Variants in MACROD2 observed in about 807,000 individuals in gnomAD.
The protein encoded by MACROD2 is ADP-ribose glycohydrolase MACROD2.
Under a neutral mutation model 70.4 loss-of-function variants are expected in MACROD2, and 36 were observed. The observed-to-expected ratio is 0.51, with a 90% CI of 0.39 to 0.68. MACROD2 has a LOEUF of 0.68. MACROD2 is among the 30% of genes least tolerant of loss of function. The pLI is 0.00. For missense variants in MACROD2, 496 were observed against 538.4 expected, an observed-to-expected ratio of 0.92 and a Z score of 0.78; for synonymous variants, 172 against 178.8, an observed-to-expected ratio of 0.96 and a Z score of 0.30.
intron 8 of MACROD2, among the ~76,000 whole-genome samples, chr20:15,504,687 C>T (rs1440612598): frequency 1.3e-5 from 2 of 152,162 alleles, no homozygotes; most frequent in Admixed American, 6.5e-5. Flanking sequence ...TTAAGAACTT[C>T]TGAGTTCAGA....
At chr20:14,298,437 G>A (rs942199626) in intron 3 of MACROD2, among the ~76,000 whole-genome samples, 7 of 151,482 alleles carry the variant, frequency 4.6e-5, no homozygotes, top group African/African-American at 7.3e-5. Flanking sequence ...ATGTGGTGGT[G>A]GGTGTCTGTA....
chr20:15,655,455 A>T (rs1341128521), intron 8 of MACROD2, among the ~76,000 whole-genome samples: 1 of 151,986 alleles, frequency 6.6e-6, no homozygotes, highest in African/African-American at 2.4e-5. Flanking sequence ...CTGAATTTTC[A>T]CAAGTGGTTT....
At chr20:14,383,403 C>T (rs1372526836) in intron 3 of MACROD2, among the ~76,000 whole-genome samples, 1 of 151,828 alleles carries the variant, frequency 6.6e-6, no homozygotes, top group Non-Finnish European at 1.5e-5. Flanking sequence ...TTCGTGAACA[C>T]TGAAGTTGTG....
chr20:14,305,953 G>A (rs2082517394), intron 3 of MACROD2, among the ~76,000 whole-genome samples: 1 of 151,730 alleles, frequency 6.6e-6, no homozygotes, highest in African/African-American at 2.4e-5. Context: ...TTCAACGTGA[G>A]TCTACTTGTG....
At chr20:14,705,781 T>TA (rs1182461525) in intron 5 of MACROD2, among the ~76,000 whole-genome samples, 1 of 152,196 alleles carries the variant, frequency 6.6e-6, no homozygotes, top group East Asian at 1.9e-4. Context: ...GTCAGTATTT[T>TA]ATGAAGTTAA....
intron 5 of MACROD2, among the ~76,000 whole-genome samples, chr20:14,869,042 G>A (rs1015420450): frequency 1.3e-5 from 2 of 151,998 alleles, no homozygotes; most frequent in African/African-American, 4.8e-5. Flanking sequence ...GCACTAAAAG[G>A]TCACAACAGA....
chr20:14,028,265 C>A (rs2053200416), intron 2 of MACROD2, among the ~76,000 whole-genome samples: 1 of 152,162 alleles, frequency 6.6e-6, no homozygotes, highest in Non-Finnish European at 1.5e-5. Flanking sequence ...TCTCCCTCCC[C>A]ACCCGCCCAC....
chr20:15,734,444 A>C (rs2050990944), intron 8 of MACROD2, among the ~76,000 whole-genome samples: 1 of 152,188 alleles, frequency 6.6e-6, no homozygotes, highest in South Asian at 2.1e-4. Context: ...GGTACAAGCC[A>C]GTCTCCAGTT....
intron 6 of MACROD2, among the ~76,000 whole-genome samples, chr20:15,409,290 C>T (rs1451611312): frequency 6.6e-6 from 1 of 152,112 alleles, no homozygotes; most frequent in Non-Finnish European, 1.5e-5. Flanking sequence ...TACTTCTTTG[C>T]CTTATTTTCT....
At chr20:15,270,154 C>CTT (rs3045758) in intron 6 of MACROD2, among the ~76,000 whole-genome samples, 2 of 118,314 alleles carry the variant, frequency 1.7e-5, no homozygotes, top group East Asian at 2.5e-4. Context: ...CTGACACAGC[C>CTT]TTTTTTTTTT....
At chr20:14,117,310 TA>T (rs950855191) in intron 3 of MACROD2, among the ~76,000 whole-genome samples, 3 of 152,194 alleles carry the variant, frequency 2.0e-5, no homozygotes, top group Non-Finnish European at 2.9e-5. Flanking sequence ...TTTTTCTTTT[TA>T]TGAAAATTAT....
chr20:14,016,276 T>G (rs1302180684), intron 2 of MACROD2, among the ~76,000 whole-genome samples: 1 of 152,242 alleles, frequency 6.6e-6, no homozygotes, highest in East Asian at 1.9e-4. Context: ...TTGGATTTCC[T>G]TGTTGTAGGA....
At chr20:15,709,979 C>G (rs1402203295) in intron 8 of MACROD2, among the ~76,000 whole-genome samples, 1 of 152,092 alleles carries the variant, frequency 6.6e-6, no homozygotes, top group Non-Finnish European at 1.5e-5. Flanking sequence ...CACTGTTCTA[C>G]TCTCTACTTC....
intron 8 of MACROD2, among the ~76,000 whole-genome samples, chr20:15,536,685 A>G (rs1432080545): frequency 6.6e-6 from 1 of 152,178 alleles, no homozygotes; most frequent in Non-Finnish European, 1.5e-5. Flanking sequence ...AATGAAATTT[A>G]TCTTTTATTC....
chr20:15,883,566 T>C (rs1365298619), intron 9 of MACROD2, among the ~76,000 whole-genome samples: 2 of 143,024 alleles, frequency 1.4e-5, no homozygotes, highest in African/African-American at 2.6e-5. Context: ...AAAGGCATTT[T>C]CTCTTTCCTC....
chr20:14,203,421 T>C (rs2081497022), intron 3 of MACROD2, among the ~76,000 whole-genome samples: 2 of 152,148 alleles, frequency 1.3e-5, no homozygotes, highest in Admixed American at 6.5e-5. Flanking sequence ...TGGAGAATTA[T>C]TGTGTTTCTT....
chr20:14,531,023 A>G (rs941190276), intron 4 of MACROD2, among the ~76,000 whole-genome samples: 1 of 152,248 alleles, frequency 6.6e-6, no homozygotes, highest in Non-Finnish European at 1.5e-5. Flanking sequence ...TGTCCCAAGA[A>G]TACAAAGCAA....
chr20:14,302,948 G>C lies in MACROD2; in HGVS notation c.272-190531G>C, dbSNP rs2082488658. 3.3e-5 allele frequency among the ~76,000 whole-genome samples: 5 copies of C among 152,064 alleles called. No individual in the cohort carries two copies. The South Asian group carries it at 1.0e-3, about 31-fold the overall frequency. The stretch of plus-strand genomic sequence containing the variant: ...ACTACAGGTGTGAGCCACCGTGCCT[G>C]GCCGGAAGTTATTTTTAAAGTGGTG... On this transcript the variant is annotated intron_variant, in intron 3 of 17. Transcript: ENST00000684519.
intron 3 of MACROD2, among the ~76,000 whole-genome samples, chr20:14,321,928 A>G (rs915540870): frequency 6.6e-6 from 1 of 151,868 alleles, no homozygotes; most frequent in East Asian, 1.9e-4. Flanking sequence ...ATTTTTGTCA[A>G]ACATTTAGCA....
Sources: gnomAD v4.1 joint callset for allele counts (sites outside exome capture counted in the v4.1 genomes callset) on GRCh38, gnomAD v4.1.1 for gene constraint, MANE v1.5 for transcripts, NCBI Gene and HGNC (gene_info 2026-07-23, HGNC 2026-07-21) for gene names.